Variants in PTPN12 observed in about 807,000 individuals in gnomAD.
PTPN12 encodes the protein tyrosine-protein phosphatase non-receptor type 12.
Under a neutral mutation model 97.6 loss-of-function variants are expected in PTPN12, and 29 were observed. The ratio of observed to expected loss-of-function variants is 0.30; its 90% CI spans 0.22 to 0.41. PTPN12 has a LOEUF of 0.41. PTPN12 is among the 10% of genes least tolerant of loss of function. PTPN12 has a pLI of 1.00. For synonymous variants in PTPN12, 327 were observed against 300.4 expected, an observed-to-expected ratio of 1.09 and a Z score of -0.91; for missense variants, 819 against 926.0, an observed-to-expected ratio of 0.88 and a Z score of 1.50.
Position 77,573,086 on chromosome 7 carries a change from A to AAAAAAAC in PTPN12, c.208+1906_208+1907insCAAAAAA, listed in dbSNP as rs1562720737. ...CGACAGAGTAAGACTCTATCTCAAA[A>AAAAAAAC]AAAAAAAAAACAAAAAAACAAAAAA... On this transcript the variant is annotated intron_variant, in intron 2 of 17. Transcript: ENST00000248594. Among the ~76,000 whole-genome samples, 7 of 83,920 alleles carry AAAAAAAC rather than the reference A, an allele frequency of 8.3e-5. 2 individuals carry two copies. The East Asian group carries it at 2.2e-3, about 26-fold the overall frequency. The allele number at this position is 83,920 out of a possible 152,430, so 55.1% of individuals were successfully genotyped here. A position where few individuals can be genotyped will look rare whatever the true frequency, so the allele number is the denominator to read the frequency against.
At chr7:77,585,804 A>C (rs1787671565) in intron 5 of PTPN12, among the ~76,000 whole-genome samples, 1 of 152,264 alleles carries the variant, frequency 6.6e-6, no homozygotes, top group East Asian at 1.9e-4. Flanking sequence ...TACCTCAGAG[A>C]TATTATAGGT....
In PTPN12 at chr7:77,583,424, G is replaced by T. The variant is rs1048477188; in HGVS notation, c.286-131G>T. On this transcript the variant is annotated intron_variant, in intron 3 of 17. Coordinates refer to ENST00000248594, the MANE Select transcript of PTPN12 (RefSeq NM_002835.4). ...TGCCATGCTTTAATATACTATGAAA[G>T]ACACATTATTTGGAAATGGTTTAAG... is the stretch of plus-strand genomic sequence containing the variant. 1.8e-5 allele frequency: 11 copies of T among 623,432 alleles called. No individual in the cohort carries two copies. In the African/African-American group the frequency reaches 2.0e-4, roughly 12 times the overall value. The allele number at this position is 623,432 out of a possible 1,614,324, so 38.6% of individuals were successfully genotyped here. A position where few individuals can be genotyped will look rare whatever the true frequency, so the allele number is the denominator to read the frequency against.
At position 77,627,492 on chromosome 7, in the gene PTPN12, G is replaced by T. The variant is rs968560010; in HGVS notation, c.1813G>T (p.Asp605Tyr). ...LSFTNPLHSD[D>Y]SDSDERNSDG... is the part of the protein sequence containing the mutation. Reference sequence around the variant, plus strand: ...TTTTACTAATCCACTTCACTCTGATGACTCAGACTCAGATGAAAGAAACTC... The same window carrying T: ...TTTTACTAATCCACTTCACTCTGATTACTCAGACTCAGATGAAAGAAACTC... Residue 605 changes from aspartate to tyrosine, a missense_variant, in exon 13 of 18, where the codon GAC (aspartate) becomes TAC (tyrosine). Asp to Tyr is a radical substitution (Grantham distance 160). Transcript: ENST00000248594. 1 of 1,613,334 alleles carries T rather than the reference G, an allele frequency of 6.2e-7. No homozygotes were observed. Among genetic ancestry groups the T allele is most frequent in the African/African-American group, 1.3e-5 (1 of 74,904 alleles).
At chr7:77,631,106 C>G (rs970857265) in intron 13 of PTPN12, among the ~76,000 whole-genome samples, 1 of 151,966 alleles carries the variant, frequency 6.6e-6, no homozygotes, top group Non-Finnish European at 1.5e-5. Flanking sequence ...TTCCAACAGC[C>G]ATCTCTTCAC....
chr7:77,538,459 G>A (rs1014869526), intron 1 of PTPN12, among the ~76,000 whole-genome samples: 4 of 151,920 alleles, frequency 2.6e-5, no homozygotes, highest in African/African-American at 9.7e-5. Flanking sequence ...TGGGGAACTT[G>A]GGAACAATAG....
rs992019488 is a variant in PTPN12 at position 77,588,497 on chromosome 7, A to G, written c.420+2916A>G. On this transcript the variant is annotated intron_variant, in intron 5 of 17. Transcript: ENST00000248594. ...TTCAAACATCACTGATCAGATTACA[A>G]TAACAGATATCATCATAATGAAAAA... Among the ~76,000 whole-genome samples, 9 of 152,348 alleles carry G rather than the reference A, an allele frequency of 5.9e-5. No homozygotes were observed. In the East Asian group the frequency reaches 1.3e-3, roughly 23 times the overall value.
chr7:77,577,206 G>A (rs1787370844), intron 2 of PTPN12, among the ~76,000 whole-genome samples: 1 of 152,132 alleles, frequency 6.6e-6, no homozygotes, highest in Non-Finnish European at 1.5e-5. Flanking sequence ...TTCAGTACAT[G>A]TATTATTTAG....
chr7:77,576,149 C>T (rs1787335271), intron 2 of PTPN12, among the ~76,000 whole-genome samples: 1 of 152,196 alleles, frequency 6.6e-6, no homozygotes. Flanking sequence ...CCACTGTGCC[C>T]AGCCTCTTGT....
chr7:77,570,340 G>T (rs1451576880), intron 1 of PTPN12, among the ~76,000 whole-genome samples: 2 of 152,140 alleles, frequency 1.3e-5, no homozygotes, highest in Admixed American at 6.5e-5. Context: ...GGTAAAACCA[G>T]AATGCTTTTA....
At chr7:77,543,931 A>G (rs1273578617) in intron 1 of PTPN12, among the ~76,000 whole-genome samples, 1 of 152,180 alleles carries the variant, frequency 6.6e-6, no homozygotes, top group African/African-American at 2.4e-5. Flanking sequence ...GGGTATTTGA[A>G]TTGTTTCCAC....
chr7:77,565,353 G>A (rs1167501727), intron 1 of PTPN12, among the ~76,000 whole-genome samples: 1 of 152,158 alleles, frequency 6.6e-6, no homozygotes, highest in African/African-American at 2.4e-5. Flanking sequence ...AAGACAATTA[G>A]CTATATTTTT....
At position 77,608,357 on chromosome 7, in the gene PTPN12, G is replaced by A. The variant is rs1293414010; in HGVS notation, c.762+1056G>A. Among the ~76,000 whole-genome samples, 3 of 152,194 alleles carry A rather than the reference G, an allele frequency of 2.0e-5. No homozygotes were observed. In the South Asian group the frequency reaches 6.2e-4, roughly 31 times the overall value. On this transcript the variant is annotated intron_variant, in intron 9 of 17. Transcript: ENST00000248594. ...TGTAAGTACTCAGTTTATTGTTAGTGTTGATTACTGTTGCTGTTGTGATTG... is the reference window on the plus strand; with the variant it reads ...TGTAAGTACTCAGTTTATTGTTAGTATTGATTACTGTTGCTGTTGTGATTG...
intron 13 of PTPN12, 81 bp from the exon 14 acceptor site, chr7:77,632,267 A>G (rs1789424327): frequency 1.8e-6 from 2 of 1,088,340 alleles, no homozygotes; most frequent in Non-Finnish European, 1.4e-6. Flanking sequence ...TGTGACAGGA[A>G]TTTTTAGAAT....
chr7:77,635,390 GGTCAACAGAGTGAGACCCT>G (rs1402177065), intron 14 of PTPN12, among the ~76,000 whole-genome samples: 3 of 152,142 alleles, frequency 2.0e-5, no homozygotes, highest in South Asian at 4.1e-4. Flanking sequence ...GATCGCGCCT[GGTCAACAGAGTGAGACCCT>G]GTCTCAACAA....
intron 1 of PTPN12, among the ~76,000 whole-genome samples, chr7:77,543,941 CT>C (rs1807104891): frequency 6.6e-6 from 1 of 152,150 alleles, no homozygotes; most frequent in Non-Finnish European, 1.5e-5. Context: ...ATTGTTTCCA[CT>C]TTTTGGCTAA....
At chr7:77,546,023 C>T (rs965713657) in intron 1 of PTPN12, among the ~76,000 whole-genome samples, 39 of 152,180 alleles carry the variant, frequency 2.6e-4, no homozygotes, top group South Asian at 8.3e-4. Flanking sequence ...CCTCCGCCTC[C>T]TGGGTTCAAG....
intron 4 of PTPN12, chr7:77,583,900 A>C (rs983289877): frequency 3.1e-6 from 1 of 320,396 alleles, no homozygotes; most frequent in Admixed American, 4.7e-5. Context: ...TGATACAGCT[A>C]TCAAACAACT....
intron 14 of PTPN12, among the ~76,000 whole-genome samples, chr7:77,633,063 G>A (rs190685610): frequency 3.3e-5 from 5 of 152,282 alleles, no homozygotes; most frequent in East Asian, 1.9e-4. Flanking sequence ...CTGAGGTCAG[G>A]AGTTCAAGAC....
intron 13 of PTPN12, among the ~76,000 whole-genome samples, 155 bp downstream of exon 13, chr7:77,627,830 T>A (rs999005138): frequency 2.6e-5 from 4 of 152,262 alleles, no homozygotes; most frequent in African/African-American, 4.8e-5. Context: ...TAATATAAGC[T>A]TTTAATGTAT....
Sources: allele counts gnomAD v4.1 joint callset (sites outside exome capture counted in the v4.1 genomes callset), GRCh38; gene constraint gnomAD v4.1.1; transcripts MANE v1.5; gene names NCBI Gene and HGNC (gene_info 2026-07-23, HGNC 2026-07-21).